The following POLR2C variants were observed in gnomAD, a reference collection of about 807,000 sequenced individuals.
POLR2C encodes RNA polymerase II subunit C, also known as DNA-directed RNA polymerase II subunit RPB3.
POLR2C carries 36 observed loss-of-function variants against 41.7 expected under a neutral mutation model. That is an observed-to-expected ratio of 0.86 (90% confidence interval 0.66 to 1.14). POLR2C has a LOEUF of 1.14. POLR2C is among the 50% of genes most tolerant of loss of function. The probability of loss-of-function intolerance (pLI) is 0.00; values close to 1 mark genes in which losing one functional copy is unlikely to be tolerated. For missense variants in POLR2C, 260 were observed against 350.4 expected, an observed-to-expected ratio of 0.74 and a Z score of 2.06; for synonymous variants, 133 against 137.8, an observed-to-expected ratio of 0.96 and a Z score of 0.25.
Position 57,471,052 on chromosome 16 carries a change from A to G in POLR2C, c.761A>G (p.Lys254Arg). The change falls in exon 9 of 9, where the codon AAG becomes AGG. Residue 254 changes from lysine to arginine, a missense_variant. Lys to Arg is a conservative substitution (Grantham distance 26). Coordinates refer to ENST00000219252, the MANE Select transcript of POLR2C (RefSeq NM_032940.3). ...IVLSALSGLKKKLSDLQTQLS... is the reference protein window; with the variant it reads ...IVLSALSGLKRKLSDLQTQLS... ...CTGTCAGCCCTCTCAGGATTGAAGA[A>G]GAAACTGAGTGATTTACAAACTCAA... 1 of 1,613,274 alleles carries G rather than the reference A, an allele frequency of 6.2e-7. No homozygotes were observed.
Position 57,471,077 on chromosome 16 carries a change from A to G in POLR2C, c.786A>G (p.Gln262=), listed in dbSNP as rs148625597. ...LKKKLSDLQT[Q]LSHEIQSDVL... is the part of the protein sequence containing the mutation. ...AGAAACTGAGTGATTTACAAACTCA[A>G]TTAAGCCACGAGATCCAGAGTGATG... The change falls in exon 9 of 9, where the codon CAA becomes CAG. Residue 262 remains glutamine, a synonymous_variant. Coordinates refer to ENST00000219252, the MANE Select transcript of POLR2C (RefSeq NM_032940.3). The G allele has an allele frequency of 9.7e-4, 1,560 of 1,613,782 alleles. 2 individuals carry two copies. The highest frequency in any genetic ancestry group is 1.5e-3 in the Admixed American group (88 of 60,024).
At position 57,471,199 on chromosome 16, in the gene POLR2C, T is replaced by G. The variant is rs767452910; in HGVS notation, c.*80T>G. 4.8e-6 allele frequency: 6 copies of G among 1,237,352 alleles called. No individual in the cohort carries two copies. The highest frequency in any genetic ancestry group is 7.0e-6 in the Non-Finnish European group (6 of 853,490). The allele number at this position is 1,237,352 out of a possible 1,614,324, so 76.6% of individuals were successfully genotyped here. A position where few individuals can be genotyped will look rare whatever the true frequency, so the allele number is the denominator to read the frequency against. ...GGGGTCTCTCTTCAGACTCTTCTCG[T>G]TTCTGAGAATCTAGTCTACTGTTGG... On this transcript the variant is annotated 3_prime_UTR_variant, in exon 9 of 9. Transcript: ENST00000219252.
At chr16:57,465,480 T>G (rs1185510805) in intron 2 of POLR2C, among the ~76,000 whole-genome samples, 1 of 152,170 alleles carries the variant, frequency 6.6e-6, no homozygotes, top group Non-Finnish European at 1.5e-5. Context: ...CAGTAAACAT[T>G]TGTTGATTGA....
chr16:57,465,414 C>G (rs1441000543), intron 2 of POLR2C, among the ~76,000 whole-genome samples: 1 of 152,210 alleles, frequency 6.6e-6, no homozygotes, highest in African/African-American at 2.4e-5. Context: ...CCTACGAGCT[C>G]ATTGCTGCTA....
Position 57,469,015 on chromosome 16 carries a change from A to G in POLR2C, c.259-150A>G. On this transcript the variant is annotated intron_variant, in intron 4 of 8. Transcript: ENST00000219252. The surrounding 1 kb of genome is among the most constrained non-coding windows in gnomAD (Gnocchi z 5.8). Reference sequence around the variant, plus strand: ...TGAGAATGGTATACCAGATTGTCACAGCCCACAAGAACCTGGATACTGATG... The same window carrying G: ...TGAGAATGGTATACCAGATTGTCACGGCCCACAAGAACCTGGATACTGATG... 4.3e-6 allele frequency: 3 copies of G among 699,758 alleles called. No individual in the cohort carries two copies. The highest frequency in any genetic ancestry group is 7.1e-6 in the Non-Finnish European group (3 of 420,540). The allele number at this position is 699,758 out of a possible 1,614,324, so 43.3% of individuals were successfully genotyped here.
At chr16:57,465,177 C>G (rs1341368254) in intron 2 of POLR2C, among the ~76,000 whole-genome samples, 1 of 152,076 alleles carries the variant, frequency 6.6e-6, no homozygotes, top group Admixed American at 6.5e-5. Flanking sequence ...TCTCAGTTGG[C>G]TTGGACTGGG....
intron 4 of POLR2C, among the ~76,000 whole-genome samples, chr16:57,468,682 T>G (rs1344849120): frequency 1.3e-5 from 2 of 152,234 alleles, no homozygotes; most frequent in African/African-American, 4.8e-5. Context: ...TTTTCCATAA[T>G]AGAAAGGATT....
intron 2 of POLR2C, 78 bp from the exon 3 acceptor site, chr16:57,465,875 A>G: frequency 1.1e-6 from 1 of 920,352 alleles, no homozygotes; most frequent in South Asian, 1.3e-5. Context: ...GGTGATTCCT[A>G]AATCTTGAGA....
intron 4 of POLR2C, among the ~76,000 whole-genome samples, chr16:57,466,569 G>A (rs1305913927): frequency 6.6e-6 from 1 of 152,212 alleles, no homozygotes; most frequent in East Asian, 1.9e-4. Flanking sequence ...AAGGAGCAGA[G>A]GGAATGGGAG....
chr16:57,466,170 T>C lies in POLR2C; in HGVS notation c.206-5T>C. 6.2e-7 allele frequency: 1 copy of C among 1,601,466 alleles called. No homozygotes were observed. ...TTCTTTAAAGTGCTTTTCTGTTTTT[T>C]ACAGGATTAATTCCCCTCATTAGTG... On this transcript the variant is annotated splice_region_variant and splice_polypyrimidine_tract_variant and intron_variant, in intron 3 of 8. Coordinates refer to ENST00000219252, the MANE Select transcript of POLR2C (RefSeq NM_032940.3).
chr16:57,466,158 T>G lies in POLR2C; in HGVS notation c.206-17T>G. 6.3e-7 allele frequency: 1 copy of G among 1,596,466 alleles called. No homozygotes were observed. The stretch of plus-strand genomic sequence containing the variant: ...GGCTGTTTGGTTTTCTTTAAAGTGC[T>G]TTTCTGTTTTTTACAGGATTAATTC... On this transcript the variant is annotated splice_polypyrimidine_tract_variant and intron_variant, in intron 3 of 8. Transcript: ENST00000219252.
intron 2 of POLR2C, chr16:57,463,280 A>T: frequency 1.6e-6 from 1 of 624,326 alleles, no homozygotes; most frequent in Non-Finnish European, 2.9e-6. Flanking sequence ...ACTTAGGTCC[A>T]CCCTTGTCCT....
chr16:57,467,279 T>G (rs2030732260), intron 4 of POLR2C, among the ~76,000 whole-genome samples: 1 of 152,246 alleles, frequency 6.6e-6, no homozygotes, highest in Non-Finnish European at 1.5e-5. Context: ...GCTAGTGTAA[T>G]AAATACTCAT....
intron 2 of POLR2C, chr16:57,463,553 C>G (rs542028296): frequency 4.8e-6 from 2 of 416,406 alleles, no homozygotes; most frequent in African/African-American, 4.1e-5. Context: ...CCTTCCAGCT[C>G]TAGTAGTCAC....
Position 57,471,269 on chromosome 16 carries a change from T to C in POLR2C, c.*150T>C. 2 of 649,190 alleles carry C rather than the reference T, an allele frequency of 3.1e-6. No individual in the cohort carries two copies. Among genetic ancestry groups the C allele is most frequent in the Non-Finnish European group, 5.4e-6 (2 of 371,716 alleles). 40.2% of individuals were successfully genotyped at this position (649,190 alleles called of 1,614,324 possible). On this transcript the variant is annotated 3_prime_UTR_variant, in exon 9 of 9. Transcript: ENST00000219252. ...ATCAGTACCAACTAGAAGTGGGTCA[T>C]AGATAGATTACCAGGGATGCAGTGG...
Position 57,469,924 on chromosome 16 carries a change from C to CAA in POLR2C, c.440-37_440-36insAA. 1 of 1,609,218 alleles carries CAA rather than the reference C, an allele frequency of 6.2e-7. No homozygotes were observed. Among genetic ancestry groups the CAA allele is most frequent in the Admixed American group, 1.7e-5 (1 of 59,830 alleles). On this transcript the variant is annotated intron_variant, in intron 6 of 8. Transcript: ENST00000219252. This position sits in a 1 kb window ranked among gnomAD's most constrained non-coding sequence, Gnocchi z 5.8. Reference sequence around the variant, plus strand: ...AGTCAGAATTTGGAGAAGCATGTCTCTCCTGGCCCTTGACTGACTTGTGCC... The same window carrying CAA: ...AGTCAGAATTTGGAGAAGCATGTCTCAATCCTGGCCCTTGACTGACTTGTGCC...
rs760999035 is a variant in POLR2C, at chr16:57,465,756, C to T, written c.137-197C>T. ...CAGGGAGCCCCCTGCATTAAATTCACCTGGGCAGGGAGGTGAGGTGTGGTG... is the reference window on the plus strand; with the variant it reads ...CAGGGAGCCCCCTGCATTAAATTCATCTGGGCAGGGAGGTGAGGTGTGGTG... On this transcript the variant is annotated intron_variant, in intron 2 of 8. Coordinates refer to ENST00000219252, the MANE Select transcript of POLR2C (RefSeq NM_032940.3). 88 of 540,434 alleles carry T rather than the reference C, an allele frequency of 1.6e-4. 1 individual carries two copies. The highest frequency in any genetic ancestry group is 2.8e-4 in the Non-Finnish European group (87 of 306,146). The allele number at this position is 540,434 out of a possible 1,614,324, so 33.5% of individuals were successfully genotyped here.
At chr16:57,462,916 G>A in intron 1 of POLR2C, 106 bp downstream of exon 1, 1 of 1,225,528 alleles carries the variant, frequency 8.2e-7, no homozygotes, top group Non-Finnish European at 1.2e-6. Context: ...TGGGGGCGAT[G>A]TCCTTCCAGA....
intron 4 of POLR2C, 144 bp downstream of exon 4, chr16:57,466,371 A>G (rs755956856): frequency 2.9e-6 from 2 of 679,606 alleles, no homozygotes; most frequent in African/African-American, 1.8e-5. Context: ...GAGCCTGGGC[A>G]GGCCTTGGTC....
Sources: gnomAD v4.1 joint callset for allele counts (sites outside exome capture counted in the v4.1 genomes callset) on GRCh38, gnomAD v4.1.1 for gene constraint, Gnocchi (gnomAD v3.1) non-coding constraint, MANE v1.5 for transcripts, NCBI Gene and HGNC (gene_info 2026-07-23, HGNC 2026-07-21) for gene names.